The following OPCML variants were observed in gnomAD, a reference collection of about 807,000 sequenced individuals.
OPCML encodes opioid-binding protein/cell adhesion molecule.
In OPCML, 13 loss-of-function variants were observed where a neutral mutation model predicts 37.8. That is an observed-to-expected ratio of 0.34 (90% CI 0.22 to 0.55). The LOEUF is 0.55. OPCML is among the 20% of genes least tolerant of loss of function. The pLI is 0.91. For synonymous variants in OPCML, 176 were observed against 168.8 expected, an observed-to-expected ratio of 1.04 and a Z score of -0.33; for missense variants, 341 against 435.6, an observed-to-expected ratio of 0.78 and a Z score of 1.93.
intron 2 of OPCML, among the ~76,000 whole-genome samples, chr11:132,678,862 T>C (rs527247024): frequency 6.6e-6 from 1 of 152,130 alleles, no homozygotes; most frequent in South Asian, 2.1e-4. Flanking sequence ...GAGTGAACCT[T>C]ATTGTGAACT....
chr11:133,232,178 G>A lies in OPCML; in HGVS notation c.62-289168C>T, dbSNP rs182309290. On this transcript the variant is annotated intron_variant, in intron 1 of 7. Transcript: ENST00000524381. ...AGGCTTTGTGAACCCAGCCCCAGTGGCTCCCCAGATGTCCTTCAGCAAGAG... is the reference window on the plus strand; with the variant it reads ...AGGCTTTGTGAACCCAGCCCCAGTGACTCCCCAGATGTCCTTCAGCAAGAG... Among the ~76,000 whole-genome samples the A allele has an allele frequency of 2.9e-3, 444 of 152,146 alleles. 2 individuals are homozygous for A. Among genetic ancestry groups the A allele is most frequent in the African/African-American group, 9.6e-3 (400 of 41,554 alleles).
chr11:132,442,023 G>T (rs576433637), intron 4 of OPCML, among the ~76,000 whole-genome samples: 1 of 152,200 alleles, frequency 6.6e-6, no homozygotes, highest in Non-Finnish European at 1.5e-5. Context: ...TGGCTGGCCT[G>T]CTGGCTCTGA....
intron 1 of OPCML, among the ~76,000 whole-genome samples, chr11:133,158,709 T>A (rs7933584): frequency 0.25 from 31,759 of 125,576 alleles, 3,831 homozygotes; most frequent in African/African-American, 0.33. Context: ...AAAATAAAAT[T>A]AAAAAAATAA....
At chr11:132,481,518 A>G (rs1438391548) in intron 4 of OPCML, among the ~76,000 whole-genome samples, 22 of 150,298 alleles carry the variant, frequency 1.5e-4, no homozygotes, top group Admixed American at 3.3e-4. Flanking sequence ...AACGAGACAG[A>G]AAGTCAACAA....
At chr11:133,190,246 G>A (rs575286330) in intron 1 of OPCML, among the ~76,000 whole-genome samples, 1 of 152,318 alleles carries the variant, frequency 6.6e-6, no homozygotes, top group Non-Finnish European at 1.5e-5. Flanking sequence ...CTGTGTACAA[G>A]CTTGGTTCCA....
chr11:133,286,347 A>T (rs12420236), intron 1 of OPCML, among the ~76,000 whole-genome samples: 9 of 151,274 alleles, frequency 5.9e-5, no homozygotes, highest in African/African-American at 1.9e-4. Context: ...GCGGGCGCCT[A>T]TAGTCCCAGC....
At chr11:133,018,943 C>T (rs1294241686) in intron 1 of OPCML, among the ~76,000 whole-genome samples, 1 of 152,216 alleles carries the variant, frequency 6.6e-6, no homozygotes, top group Admixed American at 6.5e-5. Context: ...TGACTCTGCT[C>T]CTGCTTTTTC....
chr11:132,507,803 T>C (rs939560572), intron 4 of OPCML, among the ~76,000 whole-genome samples: 3 of 151,796 alleles, frequency 2.0e-5, no homozygotes, highest in African/African-American at 7.2e-5. Flanking sequence ...TATGATAAAC[T>C]AGAGATATTC....
At chr11:132,800,801 T>C (rs1938601740) in intron 2 of OPCML, among the ~76,000 whole-genome samples, 1 of 152,174 alleles carries the variant, frequency 6.6e-6, no homozygotes, top group African/African-American at 2.4e-5. Flanking sequence ...TGTATTTCAC[T>C]TGGTTGCATT....
chr11:133,420,490 AT>A (rs1269227621), intron 1 of OPCML: 5 of 983,674 alleles, frequency 5.1e-6, no homozygotes, highest in Non-Finnish European at 6.0e-6. Context: ...TAGGACTTTT[AT>A]TTTTTTTCTG....
intron 1 of OPCML, among the ~76,000 whole-genome samples, chr11:133,192,005 A>T (rs1938342891): frequency 6.6e-6 from 1 of 152,196 alleles, no homozygotes; most frequent in Non-Finnish European, 1.5e-5. Flanking sequence ...GTTCTGAGAC[A>T]AGTTTGAAGA....
At chr11:133,345,412 A>G (rs1453004995) in intron 1 of OPCML, among the ~76,000 whole-genome samples, 1 of 152,238 alleles carries the variant, frequency 6.6e-6, no homozygotes, top group Non-Finnish European at 1.5e-5. Flanking sequence ...CACAATGTGT[A>G]TATTTCCCAA....
chr11:132,503,552 C>A (rs937816828), intron 4 of OPCML, among the ~76,000 whole-genome samples: 3 of 151,924 alleles, frequency 2.0e-5, no homozygotes, highest in Non-Finnish European at 4.4e-5. Flanking sequence ...AAAAAAGTAT[C>A]AATATTATAA....
intron 1 of OPCML, among the ~76,000 whole-genome samples, chr11:133,113,062 T>C (rs1172827259): frequency 6.6e-6 from 1 of 152,172 alleles, no homozygotes; most frequent in Non-Finnish European, 1.5e-5. Flanking sequence ...AAAGTGAAAA[T>C]ATGCCAAATA....
chr11:132,901,170 ACT>A (rs898020768), intron 2 of OPCML, among the ~76,000 whole-genome samples: 2 of 152,006 alleles, frequency 1.3e-5, no homozygotes, highest in African/African-American at 2.4e-5. Context: ...ACACAGCAAG[ACT>A]CTGTCTCTCA....
rs564465310 is a variant in OPCML, at chr11:133,486,075, T to C, written c.61+46189A>G. Among the ~76,000 whole-genome samples the C allele has an allele frequency of 1.2e-4, 19 of 152,314 alleles. No homozygotes were observed. In the East Asian group the frequency reaches 3.3e-3, roughly 26 times the overall value. On this transcript the variant is annotated intron_variant, in intron 1 of 7. Transcript: ENST00000524381. Reference sequence around the variant, plus strand: ...TGAGTTATAGTGCTGTTGGGTTCAATGTACATGAATCAATAATATATATGA... The same window carrying C: ...TGAGTTATAGTGCTGTTGGGTTCAACGTACATGAATCAATAATATATATGA...
At chr11:133,167,417 C>T (rs1461569729) in intron 1 of OPCML, among the ~76,000 whole-genome samples, 6 of 152,126 alleles carry the variant, frequency 3.9e-5, no homozygotes, top group Admixed American at 3.9e-4. Context: ...GAATTCCAGG[C>T]AGATCTAGAA....
chr11:133,393,742 T>A (rs192446836), intron 1 of OPCML, among the ~76,000 whole-genome samples: 8 of 152,268 alleles, frequency 5.3e-5, no homozygotes, highest in African/African-American at 1.4e-4. Flanking sequence ...CTTCAGGGTA[T>A]TTTTACTTCT....
At chr11:133,125,667 TA>T (rs71038519) in intron 1 of OPCML, among the ~76,000 whole-genome samples, 59,455 of 130,676 alleles carry the variant, frequency 0.45, 15,014 homozygotes, top group East Asian at 0.64. Context: ...TACATGTATA[TA>T]GTATAGTATA....
Sources: gnomAD v4.1 joint callset for allele counts (sites outside exome capture counted in the v4.1 genomes callset) on GRCh38, gnomAD v4.1.1 for gene constraint, MANE v1.5 for transcripts, NCBI Gene and HGNC (gene_info 2026-07-23, HGNC 2026-07-21) for gene names.